MAP4K5: variants seen among roughly 807,000 people sequenced by gnomAD.
The protein encoded by MAP4K5 is MAPK/ERK kinase kinase kinase 5.
Under a neutral mutation model 135.6 loss-of-function variants are expected in MAP4K5, and 82 were observed. The ratio of observed to expected loss-of-function variants is 0.60; its 90% CI spans 0.51 to 0.73. MAP4K5 has a LOEUF of 0.73. Ranked by LOEUF, MAP4K5 falls within the 30% of genes least tolerant of loss-of-function variation. The pLI is 0.00. For missense variants in MAP4K5, 907 were observed against 1,010.9 expected (o/e 0.90, Z 1.39); for synonymous variants, 347 against 335.0 (o/e 1.04, Z -0.39).
chr14:50,499,645 G>A (rs2037666436), intron 3 of MAP4K5, among the ~76,000 whole-genome samples: 1 of 149,114 alleles, frequency 6.7e-6, no homozygotes, highest in South Asian at 2.1e-4. Flanking sequence ...GCAACAGAAA[G>A]AGACCCTGTT....
upstream of MAP4K5, among the ~76,000 whole-genome samples, chr14:50,534,699 A>G (rs2038471272): frequency 1.3e-5 from 2 of 152,178 alleles, no homozygotes; most frequent in South Asian, 4.1e-4. Context: ...AAAAGTCGAG[A>G]CTCTATGTGT....
At position 50,476,118 on chromosome 14, in the gene MAP4K5, A is replaced by C. The variant is rs2037091763; in HGVS notation, c.469+10T>G. 2 of 1,437,504 alleles carry C rather than the reference A, an allele frequency of 1.4e-6. No individual in the cohort carries two copies. The highest frequency in any genetic ancestry group is 3.0e-5 in the South Asian group (2 of 65,922). The allele number at this position is 1,437,504 out of a possible 1,614,324, so 89.0% of individuals were successfully genotyped here. ...TTTGGAAAAAATTTTAGGAATTTGA[A>C]ATAACATACCTAATTTTACATCGCC... On this transcript the variant is annotated intron_variant, in intron 8 of 32. Transcript: ENST00000682126.
intron 31 of MAP4K5, among the ~76,000 whole-genome samples, chr14:50,425,505 T>A (rs2035826016): frequency 6.6e-6 from 1 of 152,198 alleles, no homozygotes; most frequent in Non-Finnish European, 1.5e-5. Flanking sequence ...ACTAAATGAG[T>A]CAATTTTCTT....
chr14:50,512,564 G>C (rs1365908062), intron 2 of MAP4K5, among the ~76,000 whole-genome samples: 1 of 152,118 alleles, frequency 6.6e-6, no homozygotes, highest in African/African-American at 2.4e-5. Context: ...CCTCCATTTT[G>C]AAGACATATT....
chr14:50,560,334 G>C, intron 1 of MAP4K5: 1 of 1,610,238 alleles, frequency 6.2e-7, no homozygotes, highest in Non-Finnish European at 8.5e-7. Context: ...CAGCCTGCAC[G>C]GGGTCTTCTG....
intron 17 of MAP4K5, among the ~76,000 whole-genome samples, 183 bp from the exon 18 acceptor site, chr14:50,445,377 G>A (rs1477609571): frequency 1.3e-5 from 2 of 151,964 alleles, no homozygotes; most frequent in African/African-American, 4.8e-5. Flanking sequence ...TTTTTAATCA[G>A]CCTTAAAACT....
chr14:50,490,988 A>T (rs2037471643), intron 3 of MAP4K5, among the ~76,000 whole-genome samples: 1 of 152,194 alleles, frequency 6.6e-6, no homozygotes, highest in Non-Finnish European at 1.5e-5. Context: ...TCTGGGGATG[A>T]ACTGGAGTAA....
In MAP4K5 at chr14:50,462,704, G is replaced by T; in HGVS notation, c.897C>A (p.Asn299Lys). The change falls in exon 13 of 33, where the codon AAC becomes AAA. Residue 299 changes from asparagine (N) to lysine (K), a missense_variant. Transcript: ENST00000682126. ...CATCTGCTTCAGTGTAATGTGCGTG[G>T]TTATCTGGATTGTTCACTTTGTCTA... ...ELLDKVNNPD[N>K]HAHYTEADDD... The T allele has an allele frequency of 6.2e-7, 1 of 1,605,802 alleles. No individual in the cohort carries two copies. Among genetic ancestry groups the T allele is most frequent in the Non-Finnish European group, 8.5e-7 (1 of 1,177,576 alleles).
intron 9 of MAP4K5, 60 bp from the exon 10 acceptor site, chr14:50,468,842 T>C (rs572105645): frequency 5.0e-4 from 751 of 1,488,020 alleles, no homozygotes; most frequent in Middle Eastern, 6.8e-4. Context: ...AATCTGTTAC[T>C]TCCTGTTATA....
At chr14:50,447,385 T>G (rs1057069295) in intron 16 of MAP4K5, 29 bp downstream of exon 16, 3 of 1,345,996 alleles carry the variant, frequency 2.2e-6, no homozygotes, top group Non-Finnish European at 3.1e-6. Context: ...TCAAATAAAA[T>G]ATAGTTATTA....
intron 3 of MAP4K5, among the ~76,000 whole-genome samples, chr14:50,490,149 G>GTT (rs1279088294): frequency 1.4e-5 from 2 of 146,218 alleles, no homozygotes; most frequent in African/African-American, 5.2e-5. Flanking sequence ...GTGTGTGTGT[G>GTT]TGTGTGTGTG....
chr14:50,519,677 A>T (rs1434043659), intron 2 of MAP4K5, among the ~76,000 whole-genome samples: 1 of 152,014 alleles, frequency 6.6e-6, no homozygotes, highest in Non-Finnish European at 1.5e-5. Flanking sequence ...AATAAATAAA[A>T]ATAAAAATAA....
At chr14:50,518,401 C>A (rs1037677599) in intron 2 of MAP4K5, among the ~76,000 whole-genome samples, 6 of 152,142 alleles carry the variant, frequency 3.9e-5, no homozygotes, top group Admixed American at 1.3e-4. Flanking sequence ...CCTCACCCCC[C>A]ACCACCAACA....
At chr14:50,437,410 T>G in intron 26 of MAP4K5, 66 bp downstream of exon 26, 1 of 1,253,420 alleles carries the variant, frequency 8.0e-7, no homozygotes, top group African/African-American at 1.5e-5. Flanking sequence ...TCCATACGAC[T>G]CTTCAGATAA....
chr14:50,439,203 A>C (rs977605258), intron 23 of MAP4K5, among the ~76,000 whole-genome samples: 6 of 151,834 alleles, frequency 4.0e-5, no homozygotes, highest in Admixed American at 1.3e-4. Context: ...GATTCTTAAA[A>C]AATCTCTACT....
At chr14:50,560,190 C>G in intron 1 of MAP4K5, 1 of 1,582,520 alleles carries the variant, frequency 6.3e-7, no homozygotes, top group Non-Finnish European at 8.6e-7. Context: ...AGCCTCCCAC[C>G]GCCAGCAACC....
intron 1 of MAP4K5, among the ~76,000 whole-genome samples, chr14:50,549,038 A>G (rs1010190121): frequency 1.3e-5 from 2 of 152,150 alleles, no homozygotes; most frequent in African/African-American, 4.8e-5. Context: ...GTCTACAACA[A>G]AGGGGTGCCC....
intron 3 of MAP4K5, among the ~76,000 whole-genome samples, chr14:50,488,831 G>T (rs2037422946): frequency 1.3e-5 from 2 of 152,260 alleles, no homozygotes; most frequent in South Asian, 4.2e-4. Flanking sequence ...TCGTATATCT[G>T]CTTCACTATT....
At chr14:50,527,148 A>G (rs1036806319) in intron 2 of MAP4K5, among the ~76,000 whole-genome samples, 11 of 152,052 alleles carry the variant, frequency 7.2e-5, no homozygotes, top group Non-Finnish European at 1.2e-4. Flanking sequence ...AGACCATCCT[A>G]GTCAACCTGG....
Sources: allele counts gnomAD v4.1 joint callset (sites outside exome capture counted in the v4.1 genomes callset), GRCh38; gene constraint gnomAD v4.1.1; transcripts MANE v1.5; gene names NCBI Gene and HGNC (gene_info 2026-07-23, HGNC 2026-07-21).